The following LRP1B variants were observed in gnomAD, a reference collection of about 807,000 sequenced individuals.
LRP1B encodes low-density lipoprotein receptor-related protein 1B.
LRP1B carries 217 observed loss-of-function variants against 556.6 expected under a neutral mutation model. The ratio of observed to expected loss-of-function variants is 0.39; its 90% confidence interval spans 0.35 to 0.44. The LOEUF (loss-of-function observed/expected upper bound fraction) is 0.44. Ranked by LOEUF, LRP1B falls within the 20% of genes least tolerant of loss-of-function variation. The pLI, the probability that LRP1B is intolerant of heterozygous loss-of-function variation, is 1.00. For synonymous variants in LRP1B, 2,047 were observed against 1,865.8 expected, an observed-to-expected ratio of 1.10 and a Z score of -2.50; for missense variants, 5,053 against 5,620.8, an observed-to-expected ratio of 0.90 and a Z score of 3.23.
At chr2:140,562,571 A>C (rs1680969881) in intron 43 of LRP1B, among the ~76,000 whole-genome samples, 1 of 152,012 alleles carries the variant, frequency 6.6e-6, no homozygotes, top group South Asian at 2.1e-4. Context: ...TCTATATTGT[A>C]GCCATTTGAG....
chr2:141,691,060 G>C (rs1178371167), intron 2 of LRP1B, among the ~76,000 whole-genome samples: 1 of 151,868 alleles, frequency 6.6e-6, no homozygotes, highest in African/African-American at 2.4e-5. Flanking sequence ...CAGACTTGAA[G>C]AAATGACTTC....
chr2:140,748,800 A>ATG (rs1491303890), intron 35 of LRP1B, among the ~76,000 whole-genome samples: 2 of 1,116 alleles, frequency 1.8e-3, no homozygotes, highest in Non-Finnish European at 7.6e-3. Flanking sequence ...TATTATATAC[A>ATG]TATTATATAC....
At chr2:142,025,746 C>G (rs190286313) in intron 1 of LRP1B, among the ~76,000 whole-genome samples, 2 of 152,178 alleles carry the variant, frequency 1.3e-5, no homozygotes, top group Admixed American at 6.6e-5. Flanking sequence ...AAATTTCACA[C>G]TGTGTGTGTG....
At chr2:140,242,874 T>C (rs1681010359) in intron 87 of LRP1B, among the ~76,000 whole-genome samples, 1 of 151,172 alleles carries the variant, frequency 6.6e-6, no homozygotes, top group East Asian at 2.0e-4. Flanking sequence ...TTTTTTTCTT[T>C]TTAAAAGGAT....
At chr2:140,380,924 G>C (rs938619934) in intron 67 of LRP1B, among the ~76,000 whole-genome samples, 4 of 152,124 alleles carry the variant, frequency 2.6e-5, no homozygotes, top group African/African-American at 9.7e-5. Flanking sequence ...GCAGTAGAGA[G>C]GCTGAGAGAT....
chr2:141,738,474 C>A (rs185713296), intron 2 of LRP1B, among the ~76,000 whole-genome samples: 1 of 152,044 alleles, frequency 6.6e-6, no homozygotes, highest in African/African-American at 2.4e-5. Flanking sequence ...AAAATGGTAT[C>A]GCTTTCTGTT....
intron 5 of LRP1B, among the ~76,000 whole-genome samples, chr2:141,233,793 C>T (rs142235043): frequency 1.3e-5 from 2 of 151,832 alleles, no homozygotes; most frequent in Non-Finnish European, 2.9e-5. Flanking sequence ...GGCTAGTTTC[C>T]TTCTAAGTGA....
At chr2:142,118,931 T>C (rs1160134349) in intron 1 of LRP1B, among the ~76,000 whole-genome samples, 1 of 152,150 alleles carries the variant, frequency 6.6e-6, no homozygotes, top group Non-Finnish European at 1.5e-5. Flanking sequence ...ATGTTGACTT[T>C]AGCATTGAAA....
intron 2 of LRP1B, among the ~76,000 whole-genome samples, chr2:141,649,212 A>G (rs2105376258): frequency 6.6e-6 from 1 of 152,194 alleles, no homozygotes; most frequent in African/African-American, 2.4e-5. Flanking sequence ...GACACATGGG[A>G]GCCTGGTAAG....
intron 2 of LRP1B, among the ~76,000 whole-genome samples, chr2:141,540,144 C>T (rs1685205425): frequency 6.6e-6 from 1 of 151,930 alleles, no homozygotes; most frequent in African/African-American, 2.4e-5. Context: ...CACTTAATTC[C>T]CTTTTCCTAT....
chr2:140,243,242 T>C (rs552991073), intron 87 of LRP1B, among the ~76,000 whole-genome samples: 2 of 151,012 alleles, frequency 1.3e-5, no homozygotes. Context: ...TTTTGGGGAA[T>C]CAACAGAGTT....
intron 1 of LRP1B, among the ~76,000 whole-genome samples, chr2:141,891,484 G>A (rs1402972736): frequency 1.3e-5 from 2 of 151,970 alleles, no homozygotes; most frequent in African/African-American, 4.8e-5. Flanking sequence ...CTTAAGCAAA[G>A]GTTATATATG....
At chr2:140,492,319 C>T (rs933396973) in intron 57 of LRP1B, among the ~76,000 whole-genome samples, 2 of 152,162 alleles carry the variant, frequency 1.3e-5, no homozygotes, top group African/African-American at 2.4e-5. Context: ...TGGTGGTCTT[C>T]GTTTATACTT....
intron 43 of LRP1B, among the ~76,000 whole-genome samples, chr2:140,544,052 A>G (rs1189409346): frequency 6.6e-6 from 1 of 152,100 alleles, no homozygotes; most frequent in Non-Finnish European, 1.5e-5. Flanking sequence ...GAAGTATAAT[A>G]TATATGTGTC....
At chr2:141,984,743 A>G (rs1702137978) in intron 1 of LRP1B, among the ~76,000 whole-genome samples, 1 of 152,156 alleles carries the variant, frequency 6.6e-6, no homozygotes, top group Non-Finnish European at 1.5e-5. Context: ...TTATTTTCTT[A>G]TAATCCACTC....
intron 35 of LRP1B, among the ~76,000 whole-genome samples, chr2:140,767,091 AGGTTGTCTGTGGC>A: frequency 6.6e-6 from 1 of 151,688 alleles, no homozygotes; most frequent in Non-Finnish European, 1.5e-5. Context: ...ATTAGAACCC[AGGTTGTCTGTGGC>A]TAAACTCTGG....
intron 31 of LRP1B, among the ~76,000 whole-genome samples, chr2:140,832,549 A>T (rs927730281): frequency 6.6e-6 from 1 of 152,208 alleles, no homozygotes; most frequent in Non-Finnish European, 1.5e-5. Context: ...ACACAATGGA[A>T]TATTATTCAG....
intron 1 of LRP1B, among the ~76,000 whole-genome samples, chr2:142,090,085 T>C (rs894499122): frequency 6.6e-6 from 1 of 152,186 alleles, no homozygotes; most frequent in East Asian, 1.9e-4. Context: ...ATTTCTCTTT[T>C]CATATTATAT....
intron 16 of LRP1B, 129 bp from the exon 17 acceptor site, chr2:140,989,786 C>T: frequency 1.3e-6 from 1 of 790,090 alleles, no homozygotes; most frequent in Admixed American, 2.7e-5. Context: ...GTCTGTCATT[C>T]ATTGCCTTAT....
Sources: gnomAD v4.1 joint callset for allele counts (sites outside exome capture counted in the v4.1 genomes callset) on GRCh38, gnomAD v4.1.1 for gene constraint, MANE v1.5 for transcripts, NCBI Gene and HGNC (gene_info 2026-07-23, HGNC 2026-07-21) for gene names.